SOX5: variants seen among roughly 807,000 people sequenced by gnomAD.
SOX5 encodes the protein transcription factor SOX-5.
A neutral mutation model predicts 92.0 loss-of-function variants in SOX5; 9 were observed. That is an observed-to-expected ratio of 0.10 (90% CI 0.06 to 0.17). The LOEUF is 0.17. SOX5 is among the 10% of genes least tolerant of loss of function. The pLI, the probability that SOX5 is intolerant of heterozygous loss-of-function variation, is 1.00. For missense variants in SOX5, 642 were observed against 944.5 expected, an observed-to-expected ratio of 0.68 and a Z score of 4.20; for synonymous variants, 344 against 336.3, an observed-to-expected ratio of 1.02 and a Z score of -0.25.
intron 4 of SOX5, among the ~76,000 whole-genome samples, chr12:24,131,290 G>A (rs1474955341): frequency 6.6e-6 from 1 of 152,006 alleles, no homozygotes; most frequent in East Asian, 1.9e-4. Flanking sequence ...AACTCTCCTG[G>A]GTACACCTAC....
intron 2 of SOX5, among the ~76,000 whole-genome samples, chr12:24,287,265 A>C (rs1012353042): frequency 1.3e-5 from 2 of 152,240 alleles, no homozygotes; most frequent in Non-Finnish European, 2.9e-5. Flanking sequence ...TTAATAAAAC[A>C]CATGTAACAT....
intron 4 of SOX5, among the ~76,000 whole-genome samples, chr12:23,976,078 T>G (rs185080076): frequency 3.3e-5 from 5 of 152,080 alleles, no homozygotes; most frequent in Admixed American, 3.3e-4. Context: ...TGTATTTGAC[T>G]CTCTTGAGAC....
intron 4 of SOX5, among the ~76,000 whole-genome samples, chr12:24,006,599 T>C (rs1952195279): frequency 6.6e-6 from 1 of 152,116 alleles, no homozygotes; most frequent in African/African-American, 2.4e-5. Context: ...TCCAGGATTG[T>C]CTTCATCCAC....
chr12:23,999,627 AAG>A (rs1177963826), intron 4 of SOX5, among the ~76,000 whole-genome samples: 2 of 152,056 alleles, frequency 1.3e-5, no homozygotes, highest in African/African-American at 2.4e-5. Context: ...CAATTAATAA[AAG>A]AGTCTTTTAC....
At chr12:24,222,984 A>T (rs1960871648) in intron 3 of SOX5, among the ~76,000 whole-genome samples, 1 of 152,182 alleles carries the variant, frequency 6.6e-6, no homozygotes, top group Admixed American at 6.5e-5. Flanking sequence ...ATACTGACTA[A>T]GCATCACCAC....
intron 2 of SOX5, among the ~76,000 whole-genome samples, chr12:24,348,435 AG>A (rs1265667415): frequency 1.3e-5 from 2 of 150,976 alleles, no homozygotes; most frequent in African/African-American, 4.9e-5. Context: ...CAGGCTGGAG[AG>A]CAGTGGCGTG....
At chr12:24,235,961 G>A (rs1051796771) in intron 3 of SOX5, among the ~76,000 whole-genome samples, 1 of 152,068 alleles carries the variant, frequency 6.6e-6, no homozygotes, top group Non-Finnish European at 1.5e-5. Flanking sequence ...AGGCCAAGGT[G>A]GGCAGATCAC....
At chr12:24,429,528 G>A (rs1427578524) in intron 1 of SOX5, among the ~76,000 whole-genome samples, 1 of 151,468 alleles carries the variant, frequency 6.6e-6, no homozygotes, top group Non-Finnish European at 1.5e-5. Context: ...AGTATAGAGG[G>A]GAAGCTTCCA....
upstream of SOX5, chr12:23,951,025 C>A (rs1945547414): frequency 9.1e-6 from 6 of 657,364 alleles, no homozygotes; most frequent in Admixed American, 1.3e-4. Context: ...ACGCTCTCCA[C>A]TCCTACTGGG....
chr12:23,544,342 T>G (rs1389899743), intron 12 of SOX5, among the ~76,000 whole-genome samples: 1 of 152,338 alleles, frequency 6.6e-6, no homozygotes, highest in African/African-American at 2.4e-5. Context: ...GGAGAACCAG[T>G]AGAACTCTGA....
intron 4 of SOX5, among the ~76,000 whole-genome samples, chr12:24,100,193 A>G (rs1036830900): frequency 2.6e-5 from 4 of 152,082 alleles, no homozygotes; most frequent in Admixed American, 2.6e-4. Flanking sequence ...TAAAACAAAT[A>G]AACAACACTT....
chr12:24,522,288 C>G (rs2970419), intron 1 of SOX5, among the ~76,000 whole-genome samples: 5 of 151,332 alleles, frequency 3.3e-5, no homozygotes, highest in Non-Finnish European at 5.9e-5. Flanking sequence ...TCAAAAATCA[C>G]CAAAGAAAAG....
chr12:24,359,125 CAT>C (rs764157925), intron 2 of SOX5, among the ~76,000 whole-genome samples: 14 of 152,192 alleles, frequency 9.2e-5, no homozygotes, highest in Non-Finnish European at 1.9e-4. Context: ...TTGAAATTCT[CAT>C]ATATTTCAAA....
chr12:24,074,630 C>CAAAATAAAAAAAAAAAAAAAAAAAAAAAA (rs1942269837), intron 4 of SOX5, among the ~76,000 whole-genome samples: 1 of 51,274 alleles, frequency 2.0e-5, no homozygotes, highest in Non-Finnish European at 3.5e-5. Context: ...TGTAAACTAC[C>CAAAATAAAAAAAAAAAAAAAAAAAAAAAA]AAAAAAAAAA....
At chr12:24,095,272 G>A (rs1034057361) in intron 4 of SOX5, among the ~76,000 whole-genome samples, 5 of 151,550 alleles carry the variant, frequency 3.3e-5, no homozygotes, top group African/African-American at 1.2e-4. Context: ...CAAATCCCCA[G>A]GTTTTATAAT....
chr12:23,892,516 G>T (rs992245759), intron 2 of SOX5, among the ~76,000 whole-genome samples: 13 of 152,162 alleles, frequency 8.5e-5, no homozygotes, highest in African/African-American at 3.1e-4. Context: ...GCCCACATTA[G>T]CTTCAAAAGT....
chr12:23,856,503 T>C (rs1425095203), intron 2 of SOX5, among the ~76,000 whole-genome samples: 4 of 152,128 alleles, frequency 2.6e-5, no homozygotes, highest in East Asian at 3.8e-4. Flanking sequence ...ATTTAACATA[T>C]GATGAAATTA....
At chr12:23,899,958 A>G (rs1471720859) in intron 1 of SOX5, among the ~76,000 whole-genome samples, 4 of 152,204 alleles carry the variant, frequency 2.6e-5, no homozygotes, top group African/African-American at 9.6e-5. Context: ...CTTCTTGAGG[A>G]CCAGAGTATC....
At chr12:24,323,413 A>G (rs1020334448) in intron 2 of SOX5, among the ~76,000 whole-genome samples, 2 of 151,706 alleles carry the variant, frequency 1.3e-5, no homozygotes, top group African/African-American at 4.8e-5. Flanking sequence ...CACAAGTTAT[A>G]TTGGTTTTCT....
Sources: allele counts gnomAD v4.1 joint callset (sites outside exome capture counted in the v4.1 genomes callset), GRCh38; gene constraint gnomAD v4.1.1; transcripts MANE v1.5; gene names NCBI Gene and HGNC (gene_info 2026-07-23, HGNC 2026-07-21).